Variants in SLC43A2 observed in about 807,000 individuals in gnomAD.
SLC43A2 encodes large neutral amino acids transporter small subunit 4.
SLC43A2 carries 38 observed loss-of-function variants against 63.2 expected under a neutral mutation model. The ratio of observed to expected loss-of-function variants is 0.60; its 90% CI spans 0.46 to 0.79. SLC43A2 has a LOEUF of 0.79. Ranked by LOEUF, SLC43A2 falls within the 30% of genes least tolerant of loss-of-function variation. SLC43A2 has a pLI of 0.00. For synonymous variants in SLC43A2, 322 were observed against 331.0 expected, an observed-to-expected ratio of 0.97 and a Z score of 0.30; for missense variants, 644 against 756.2, an observed-to-expected ratio of 0.85 and a Z score of 1.74.
In SLC43A2 at chr17:1,578,833, G is replaced by A. The variant is rs1044062392; in HGVS notation, c.1351-510C>T. ...ATGAGCCACTGCGCCCAGCCTAACC[G>A]AGTCATTATTAAAAATTAAATTATA... On this transcript the variant is annotated intron_variant, in intron 11 of 13. Coordinates refer to ENST00000301335, the MANE Select transcript of SLC43A2 (RefSeq NM_152346.3). The surrounding 1 kb of genome is among the most constrained non-coding windows in gnomAD (Gnocchi z 6.5). 6.7e-6 allele frequency: 1 copy of A among 148,762 alleles called. No homozygotes were observed. The highest frequency in any genetic ancestry group is 2.5e-5 in the African/African-American group (1 of 40,636). The allele number at this position is 148,762 out of a possible 1,614,324, so 9.2% of individuals were successfully genotyped here. A position where few individuals can be genotyped will look rare whatever the true frequency, so the allele number is the denominator to read the frequency against.
At chr17:1,586,928 T>TGCCCCCCCCCCCCCCCCCCCCCCCCG in intron 9 of SLC43A2, 1 of 1,232,916 alleles carries the variant, frequency 8.1e-7, no homozygotes, top group Non-Finnish European at 1.1e-6. Context: ...TCCCTGACAA[T>TGCCCCCCCCCCCCCCCCCCCCCCCCG]CCCCCCCACC....
At chr17:1,613,095 T>A in intron 5 of SLC43A2, 100 bp downstream of exon 5, 2 of 1,086,340 alleles carry the variant, frequency 1.8e-6, no homozygotes, top group Non-Finnish European at 2.7e-6. Context: ...CCCAGGCACA[T>A]GCAGGCACAT....
chr17:1,619,556 C>T (rs890653746), intron 2 of SLC43A2, among the ~76,000 whole-genome samples: 17 of 152,296 alleles, frequency 1.1e-4, no homozygotes, highest in African/African-American at 2.2e-4. Flanking sequence ...ACGGGGTCCT[C>T]GAGCCCGTCA....
At chr17:1,588,908 G>A (rs1181859183) in intron 9 of SLC43A2, among the ~76,000 whole-genome samples, 1 of 152,148 alleles carries the variant, frequency 6.6e-6, no homozygotes, top group Non-Finnish European at 1.5e-5. Context: ...GCCGTACGCG[G>A]AGGCGATGGC....
At chr17:1,600,386 A>T (rs1247952084) in intron 5 of SLC43A2, among the ~76,000 whole-genome samples, 1 of 149,206 alleles carries the variant, frequency 6.7e-6, no homozygotes, top group Non-Finnish European at 1.5e-5. Flanking sequence ...CTTGACCTCA[A>T]GTGATCCGCC....
chr17:1,598,567 C>G (rs556988652), intron 5 of SLC43A2, among the ~76,000 whole-genome samples: 1 of 152,172 alleles, frequency 6.6e-6, no homozygotes, highest in Non-Finnish European at 1.5e-5. Context: ...AAGAGTGTCT[C>G]AAACTTTTCA....
upstream of SLC43A2, among the ~76,000 whole-genome samples, chr17:1,629,361 G>T (rs1177533052): frequency 3.3e-5 from 5 of 151,400 alleles, no homozygotes; most frequent in Non-Finnish European, 5.9e-5. Context: ...CCGCCGCCTC[G>T]GGCTTTGGGT....
chr17:1,586,928 T>TTGC, intron 9 of SLC43A2: 38 of 1,232,868 alleles, frequency 3.1e-5, no homozygotes, highest in Non-Finnish European at 4.1e-5. Context: ...TCCCTGACAA[T>TTGC]CCCCCCCACC....
rs1024561136 is a variant in SLC43A2 at position 1,614,961 on chromosome 17, G to A, written c.424+18C>T. 1.9e-6 allele frequency: 3 copies of A among 1,613,418 alleles called. No individual in the cohort carries two copies. The highest frequency in any genetic ancestry group is 1.7e-6 in the Non-Finnish European group (2 of 1,179,574). On this transcript the variant is annotated intron_variant, in intron 4 of 13. Coordinates refer to ENST00000301335, the MANE Select transcript of SLC43A2 (RefSeq NM_152346.3). Reference sequence around the variant, plus strand: ...TCTCCCCGGTCCCTGACAGAAGATGGAGGGAGAGGACACTCACCGTTTGGT... The same window carrying A: ...TCTCCCCGGTCCCTGACAGAAGATGAAGGGAGAGGACACTCACCGTTTGGT...
At chr17:1,581,730 G>A (rs2076016943) in intron 11 of SLC43A2, among the ~76,000 whole-genome samples, 1 of 152,054 alleles carries the variant, frequency 6.6e-6, no homozygotes, top group Non-Finnish European at 1.5e-5. Context: ...CCAGGCAGGT[G>A]ACAAGGGCCA....
At chr17:1,594,611 G>A (rs1183301720) in intron 5 of SLC43A2, among the ~76,000 whole-genome samples, 7 of 141,016 alleles carry the variant, frequency 5.0e-5, no homozygotes, top group South Asian at 2.4e-4. Context: ...TTTTTGAGAC[G>A]GAGTCTCGCT....
upstream of SLC43A2, among the ~76,000 whole-genome samples, chr17:1,629,684 C>T (rs930940824): frequency 1.3e-5 from 2 of 152,226 alleles, no homozygotes; most frequent in African/African-American, 4.8e-5. Context: ...GCTCCCTGCC[C>T]GCGCTGGCCA....
At chr17:1,591,734 A>AGGGGGTGGGGTGGGGT in intron 6 of SLC43A2, 35 bp from the exon 7 acceptor site, 4 of 293,074 alleles carry the variant, frequency 1.4e-5, no homozygotes, top group East Asian at 5.8e-5. Flanking sequence ...TGGGGGGGGG[A>AGGGGGTGGGGTGGGGT]GGGGGCAGAG....
At chr17:1,585,336 G>A in intron 10 of SLC43A2, 1 of 710,080 alleles carries the variant, frequency 1.4e-6, no homozygotes. Flanking sequence ...CCACCTCCCG[G>A]GTTCAAGCAA....
intron 9 of SLC43A2, chr17:1,586,928 T>TGGCCCCCCCCCCCCCCCCCCCCCCCGC: frequency 1.6e-6 from 2 of 1,232,914 alleles, no homozygotes; most frequent in Non-Finnish European, 2.2e-6. Flanking sequence ...TCCCTGACAA[T>TGGCCCCCCCCCCCCCCCCCCCCCCCGC]CCCCCCCACC....
chr17:1,586,928 T>TGGGCCCCCCCCCCCCCCC, intron 9 of SLC43A2: 5 of 1,232,862 alleles, frequency 4.1e-6, no homozygotes, highest in Non-Finnish European at 5.6e-6. Flanking sequence ...TCCCTGACAA[T>TGGGCCCCCCCCCCCCCCC]CCCCCCCACC....
rs374365755 is a variant in SLC43A2, at chr17:1,586,071, G to A, written c.1079-20C>T. On this transcript the variant is annotated intron_variant, in intron 9 of 13. Coordinates refer to ENST00000301335, the MANE Select transcript of SLC43A2 (RefSeq NM_152346.3). ...GGCCAACTGTGGAGGAAGGCGCTGC[G>A]TCATGGGGACGCCTGGCAGACAGCC... 3.3e-5 allele frequency: 51 copies of A among 1,563,350 alleles called. No individual in the cohort carries two copies. The highest frequency in any genetic ancestry group is 7.1e-5 in the East Asian group (3 of 42,044).
intron 4 of SLC43A2, among the ~76,000 whole-genome samples, chr17:1,613,683 G>A (rs890825807): frequency 6.6e-6 from 1 of 152,094 alleles, no homozygotes; most frequent in African/African-American, 2.4e-5. Flanking sequence ...GTGATCTGCC[G>A]ATCTCAGCCT....
chr17:1,583,264 G>A lies in SLC43A2; in HGVS notation c.1290C>T (p.Phe430=). The change falls in exon 11 of 14, where the codon TTC becomes TTT. Residue 430 remains phenylalanine (F), a synonymous_variant. Coordinates refer to ENST00000301335, the MANE Select transcript of SLC43A2 (RefSeq NM_152346.3). The surrounding 1 kb of genome is among the most constrained non-coding windows in gnomAD (Gnocchi z 5.5). ...CAAAGCCCACGAGCAGCAGGTTGGT[G>A]AAGGCGAAGGCCCGCATGGCATTAG... ...KITNAMRAFA[F]TNLLLVGFGV... is the part of the protein sequence containing the mutation. 6.2e-7 allele frequency: 1 copy of A among 1,614,202 alleles called. No individual in the cohort carries two copies. The highest frequency in any genetic ancestry group is 8.5e-7 in the Non-Finnish European group (1 of 1,180,026).
Sources: allele counts gnomAD v4.1 joint callset (sites outside exome capture counted in the v4.1 genomes callset), GRCh38; gene constraint gnomAD v4.1.1; non-coding constraint Gnocchi (gnomAD v3.1); transcripts MANE v1.5; gene names NCBI Gene and HGNC (gene_info 2026-07-23, HGNC 2026-07-21).